Variants in EPB41L4A observed in about 807,000 individuals in gnomAD.
EPB41L4A encodes erythrocyte membrane protein band 4.1 like 4A, also known as band 4.1-like protein 4A.
EPB41L4A carries 100 observed loss-of-function variants against 108.6 expected under a neutral mutation model. The ratio of observed to expected loss-of-function variants is 0.92; its 90% CI spans 0.78 to 1.09. The LOEUF is 1.09. EPB41L4A is among the 50% of genes least tolerant of loss of function. EPB41L4A has a pLI of 0.00. For synonymous variants in EPB41L4A, 319 were observed against 289.0 expected (o/e 1.10, Z -1.05); for missense variants, 1,030 against 842.7 (o/e 1.22, Z -2.75).
At chr5:112,238,070 G>A (rs1240548466) in intron 11 of EPB41L4A, among the ~76,000 whole-genome samples, 2 of 152,166 alleles carry the variant, frequency 1.3e-5, no homozygotes, top group Non-Finnish European at 2.9e-5. Flanking sequence ...ATTTGTGGAA[G>A]CCAACAACAG....
intron 1 of EPB41L4A, among the ~76,000 whole-genome samples, chr5:112,375,349 A>C (rs1759752515): frequency 6.7e-6 from 1 of 150,148 alleles, no homozygotes; most frequent in Admixed American, 6.6e-5. Context: ...ACACACACAC[A>C]CACACACCCC....
chr5:112,169,758 CTG>C (rs1353827522), intron 20 of EPB41L4A, among the ~76,000 whole-genome samples: 8 of 152,252 alleles, frequency 5.3e-5, no homozygotes, highest in African/African-American at 1.9e-4. Flanking sequence ...TGCTATTTAA[CTG>C]TGGTGGGAAA....
chr5:112,203,225 G>A (rs1197143238), intron 15 of EPB41L4A, among the ~76,000 whole-genome samples: 4 of 151,782 alleles, frequency 2.6e-5, no homozygotes, highest in South Asian at 2.1e-4. Context: ...GCCTGATGGC[G>A]CATGCCTGTA....
At chr5:112,355,509 T>C (rs183950307) in intron 1 of EPB41L4A, among the ~76,000 whole-genome samples, 13 of 152,330 alleles carry the variant, frequency 8.5e-5, no homozygotes, top group South Asian at 2.1e-4. Context: ...TCAGCACAAG[T>C]TGAGTTTCAC....
At chr5:112,214,511 C>T (rs967182917) in intron 12 of EPB41L4A, among the ~76,000 whole-genome samples, 18 of 152,030 alleles carry the variant, frequency 1.2e-4, no homozygotes, top group Non-Finnish European at 2.5e-4. Context: ...CGCCTGTAAT[C>T]CCAGCACTTT....
chr5:112,203,697 T>G (rs925348168), intron 15 of EPB41L4A, among the ~76,000 whole-genome samples: 1 of 152,218 alleles, frequency 6.6e-6, no homozygotes, highest in African/African-American at 2.4e-5. Flanking sequence ...TATCTTTAAG[T>G]GTAGTTTTGT....
chr5:112,339,472 ATC>A (rs1191029738), intron 1 of EPB41L4A, among the ~76,000 whole-genome samples: 16 of 44,954 alleles, frequency 3.6e-4, no homozygotes, highest in African/African-American at 9.3e-4. Flanking sequence ...ATATATATAT[ATC>A]TATATATATA....
chr5:112,215,600 A>G, intron 12 of EPB41L4A, among the ~76,000 whole-genome samples: 1 of 151,986 alleles, frequency 6.6e-6, no homozygotes. Flanking sequence ...CGTCTCTACT[A>G]AAAATACAAA....
At chr5:112,240,169 G>T (rs1749665083) in intron 10 of EPB41L4A, among the ~76,000 whole-genome samples, 1 of 152,086 alleles carries the variant, frequency 6.6e-6, no homozygotes, top group South Asian at 2.1e-4. Flanking sequence ...TCATACTCTA[G>T]ACTGGCTCAT....
intron 18 of EPB41L4A, among the ~76,000 whole-genome samples, chr5:112,174,816 A>G (rs1760778552): frequency 6.6e-6 from 1 of 152,240 alleles, no homozygotes; most frequent in African/African-American, 2.4e-5. Flanking sequence ...AAGGAAATTT[A>G]GAGTGGAAAA....
chr5:112,304,827 G>A (rs1398800499), intron 2 of EPB41L4A, among the ~76,000 whole-genome samples: 1 of 152,086 alleles, frequency 6.6e-6, no homozygotes, highest in East Asian at 1.9e-4. Context: ...GCATTTTATT[G>A]TCAATTTACG....
chr5:112,300,039 A>G (rs1031795660), intron 2 of EPB41L4A, among the ~76,000 whole-genome samples: 2 of 151,950 alleles, frequency 1.3e-5, no homozygotes, highest in South Asian at 2.1e-4. Context: ...GTGAGTCCTT[A>G]TATGTTAGGT....
intron 22 of EPB41L4A, among the ~76,000 whole-genome samples, chr5:112,166,273 C>T (rs1346451392): frequency 6.6e-6 from 1 of 152,206 alleles, no homozygotes; most frequent in African/African-American, 2.4e-5. Flanking sequence ...TAAAAATGTA[C>T]CTTTCCAGCT....
intron 7 of EPB41L4A, among the ~76,000 whole-genome samples, chr5:112,261,735 C>T (rs1034644228): frequency 1.8e-4 from 28 of 152,164 alleles, no homozygotes; most frequent in Non-Finnish European, 3.4e-4. Context: ...TGGTAACCTT[C>T]ATATTGACAG....
intron 1 of EPB41L4A, among the ~76,000 whole-genome samples, chr5:112,357,828 C>T (rs1758459696): frequency 1.3e-5 from 2 of 152,142 alleles, no homozygotes; most frequent in African/African-American, 4.8e-5. Context: ...GTGGATGGAC[C>T]ACTGAGAATG....
intron 1 of EPB41L4A, among the ~76,000 whole-genome samples, chr5:112,331,499 T>TG (rs2037058374): frequency 6.6e-6 from 1 of 152,236 alleles, no homozygotes. Flanking sequence ...ATCAGAGGGC[T>TG]GGCATGCCCT....
intron 1 of EPB41L4A, among the ~76,000 whole-genome samples, chr5:112,360,830 G>A (rs1446774040): frequency 2.6e-5 from 4 of 151,664 alleles, no homozygotes; most frequent in Admixed American, 2.0e-4. Context: ...GATGTGGGGA[G>A]CGCCTCTGCC....
intron 18 of EPB41L4A, among the ~76,000 whole-genome samples, chr5:112,177,050 C>A (rs898956101): frequency 2.6e-5 from 4 of 152,008 alleles, no homozygotes; most frequent in African/African-American, 7.2e-5. Context: ...CCACCGTCCC[C>A]GGCCAGCAAC....
chr5:112,161,195 A>T (rs1365081060), downstream of EPB41L4A: 1 of 255,972 alleles, frequency 3.9e-6, no homozygotes, highest in East Asian at 1.1e-4. Context: ...AACTGACTTT[A>T]TGCTTGCCCT....
Sources: gnomAD v4.1 joint callset for allele counts (sites outside exome capture counted in the v4.1 genomes callset) on GRCh38, gnomAD v4.1.1 for gene constraint, MANE v1.5 for transcripts, NCBI Gene and HGNC (gene_info 2026-07-23, HGNC 2026-07-21) for gene names.